DNAAF2: variants seen among roughly 807,000 people sequenced by gnomAD.
DNAAF2 encodes the protein protein kintoun.
A neutral mutation model predicts 48.8 loss-of-function variants in DNAAF2; 58 were observed. The ratio of observed to expected loss-of-function variants is 1.19; its 90% CI spans 0.96 to 1.48. DNAAF2 has a LOEUF of 1.48. Ranked by LOEUF, DNAAF2 falls within the 40% of genes most tolerant of loss-of-function variation. The probability of loss-of-function intolerance (pLI) is 0.00; values close to 1 mark genes in which losing one functional copy is unlikely to be tolerated. For synonymous variants in DNAAF2, 567 were observed against 481.2 expected (o/e 1.18, Z -2.33); for missense variants, 1,241 against 1,116.1 (o/e 1.11, Z -1.59).
intron 2 of DNAAF2, among the ~76,000 whole-genome samples, chr14:49,626,449 A>T (rs1265541024): frequency 6.6e-6 from 1 of 152,176 alleles, no homozygotes; most frequent in Non-Finnish European, 1.5e-5. Context: ...AGATAGTGCC[A>T]CTGTACTCCA....
Position 49,625,459 on chromosome 14 carries a change from T to C in DNAAF2, c.*83A>G. ...TAATTTTATACTTTAATACCTTTAGTTTTAAGACAACAGTTAACAGAATCA... is the reference window on the plus strand; with the variant it reads ...TAATTTTATACTTTAATACCTTTAGCTTTAAGACAACAGTTAACAGAATCA... On this transcript the variant is annotated 3_prime_UTR_variant, in exon 3 of 3. Transcript: ENST00000298292. 1.8e-6 allele frequency: 2 copies of C among 1,089,634 alleles called. No individual in the cohort carries two copies. Among genetic ancestry groups the C allele is most frequent in the Non-Finnish European group, 2.4e-6 (2 of 830,240 alleles). 67.5% of individuals were successfully genotyped at this position (1,089,634 alleles called of 1,614,324 possible). A position where few individuals can be genotyped will look rare whatever the true frequency, so the allele number is the denominator to read the frequency against.
chr14:49,633,879 G>A lies in DNAAF2; in HGVS notation c.1271C>T (p.Pro424Leu), dbSNP rs1196789800. The change falls in exon 1 of 3, where the codon CCG becomes CTG. Residue 424 changes from proline (P) to leucine (L), a missense_variant. Pro to Leu is a moderately conservative substitution (Grantham distance 98). Coordinates refer to ENST00000298292, the MANE Select transcript of DNAAF2 (RefSeq NM_018139.3). ...GACACGCTCCTCTCCAGCTGCGGCC[G>A]GCGGAGGCGCCACCTCCGGGTCGCC... is the stretch of plus-strand genomic sequence containing the variant. Reference protein sequence around the residue: ...TLGDPEVAPPPAAAGEERVPK... With the variant: ...TLGDPEVAPPLAAAGEERVPK... The A allele has an allele frequency of 5.9e-6, 9 of 1,536,986 alleles. No homozygotes were observed. Among genetic ancestry groups the A allele is most frequent in the African/African-American group, 1.4e-5 (1 of 73,062 alleles).
chr14:49,628,613 C>T (rs1051076045), intron 1 of DNAAF2, among the ~76,000 whole-genome samples: 2 of 152,064 alleles, frequency 1.3e-5, no homozygotes, highest in African/African-American at 4.8e-5. Flanking sequence ...TGCCACCATG[C>T]CGGACTAATT....
chr14:49,628,124 T>C lies in DNAAF2; in HGVS notation c.1895A>G (p.Asn632Ser), dbSNP rs1437599085. ...GCTCAGGACCTCTTCAAGAAACTCA[T>C]TAACATTTTCTTCATTGACAAATAA... Reference protein sequence around the residue: ...ERLFVNEENVNEFLEEVLSSP... With the variant: ...ERLFVNEENVSEFLEEVLSSP... The change falls in exon 2 of 3, where the codon AAT (asparagine) becomes AGT (serine). Residue 632 changes from asparagine to serine, a missense_variant. Asn to Ser is a conservative substitution (Grantham distance 46). Transcript: ENST00000298292. 2 of 1,591,968 alleles carry C rather than the reference T, an allele frequency of 1.3e-6. No individual in the cohort carries two copies. The highest frequency in any genetic ancestry group is 1.7e-6 in the Non-Finnish European group (2 of 1,167,656).
intron 1 of DNAAF2, among the ~76,000 whole-genome samples, chr14:49,632,909 TAA>T (rs1340524947): frequency 2.0e-5 from 2 of 98,316 alleles, no homozygotes; most frequent in African/African-American, 4.0e-5. Context: ...CTTCAAATTT[TAA>T]GTTGTTTTTT....
Position 49,633,869 on chromosome 14 carries a change from A to T in DNAAF2, c.1281T>A (p.Ala427=), listed in dbSNP as rs1316850100. The T allele has an allele frequency of 6.5e-7, 1 of 1,542,030 alleles. No homozygotes were observed. Among genetic ancestry groups the T allele is most frequent in the South Asian group, 1.2e-5 (1 of 84,768 alleles). Residue 427 remains alanine, a synonymous_variant, in exon 1 of 3, where the codon GCT becomes GCA. Transcript: ENST00000298292. ...DPEVAPPPAA[A]GEERVPKPGE... is the part of the protein sequence containing the mutation. Reference sequence around the variant, plus strand: ...CCGGCTTGGGGACACGCTCCTCTCCAGCTGCGGCCGGCGGAGGCGCCACCT... The same window carrying T: ...CCGGCTTGGGGACACGCTCCTCTCCTGCTGCGGCCGGCGGAGGCGCCACCT...
At chr14:49,631,907 A>T (rs1883174860) in intron 1 of DNAAF2, among the ~76,000 whole-genome samples, 1 of 152,236 alleles carries the variant, frequency 6.6e-6, no homozygotes, top group South Asian at 2.1e-4. Context: ...TAACACTGAG[A>T]GCCTGGTCCA....
chr14:49,634,720 C>A lies in DNAAF2; in HGVS notation c.430G>T (p.Val144Leu). ...GCAAGCGCGTCTGGATGGAAGACCA[C>A]GTCGTAGACCATGTAGCGGCTGCTG... Reference protein sequence around the residue: ...RSSSRYMVYDVVFHPDALALA... With the variant: ...RSSSRYMVYDLVFHPDALALA... The change falls in exon 1 of 3, where the codon GTG becomes TTG. Residue 144 changes from valine (V) to leucine (L), a missense_variant. Val to Leu is a conservative substitution (Grantham distance 32). Coordinates refer to ENST00000298292, the MANE Select transcript of DNAAF2 (RefSeq NM_018139.3). 6.2e-7 allele frequency: 1 copy of A among 1,605,844 alleles called. No homozygotes were observed.
intron 1 of DNAAF2, among the ~76,000 whole-genome samples, chr14:49,630,843 C>T (rs1230063777): frequency 4.6e-5 from 7 of 151,952 alleles, no homozygotes; most frequent in Admixed American, 1.3e-4. Context: ...CTCCACCTCC[C>T]GGGTTCAAGC....
chr14:49,625,752 AT>A lies in DNAAF2; in HGVS notation c.2303del (p.Asp768ValfsTer3). 6.2e-7 allele frequency: 1 copy of A among 1,612,378 alleles called. No homozygotes were observed. The highest frequency in any genetic ancestry group is 8.5e-7 in the Non-Finnish European group (1 of 1,179,440). On this transcript the variant is annotated frameshift_variant, in exon 3 of 3. Coordinates refer to ENST00000298292, the MANE Select transcript of DNAAF2 (RefSeq NM_018139.3). LOFTEE classifies it high-confidence loss of function. ...CAGTTATTACTGACTCGTTTAAGTT[AT>A]CTTTTTCCTCATTTGAACAAGTAGC... Reference protein sequence around the residue: ...KSATCSNEEKDNLNESVITEE... With the variant: ...KSATCSNEEKXNLNESVITEE...
intron 2 of DNAAF2, 129 bp from the exon 3 acceptor site, chr14:49,626,177 C>T (rs777366416): frequency 5.6e-6 from 4 of 709,230 alleles, no homozygotes; most frequent in Non-Finnish European, 8.0e-6. Context: ...GGTATACATC[C>T]AGGCTTTCCT....
rs748691768 is a variant in DNAAF2, at chr14:49,634,669, G to T, written c.481C>A (p.Arg161Ser). ...AGGGCCGTGGCGTCCAGCATCTGGC[G>T]GAAGCCCTCGTGCCGCCGGGCCAGC... ...LALARRHEGF[R>S]QMLDATALEA... Residue 161 changes from arginine to serine, a missense_variant, in exon 1 of 3, where the codon CGC (arginine) becomes AGC (serine). Coordinates refer to ENST00000298292, the MANE Select transcript of DNAAF2 (RefSeq NM_018139.3). 1.2e-6 allele frequency: 2 copies of T among 1,606,380 alleles called. No homozygotes were observed. The highest frequency in any genetic ancestry group is 2.7e-5 in the African/African-American group (2 of 74,904).
In DNAAF2 at chr14:49,634,423, C is replaced by A. The variant is rs727504815; in HGVS notation, c.727G>T (p.Glu243Ter). ...GTGGGGGCGGGCTGCAAGGCCGCTTCCGGAGGGGAGGGCGCCCGGGGCCCG... is the reference window on the plus strand; with the variant it reads ...GTGGGGGCGGGCTGCAAGGCCGCTTACGGAGGGGAGGGCGCCCGGGGCCCG... ...APGPRAPSPP[E>*]AALQPAPTEP... Residue 243 changes from glutamate (E) to a stop codon, truncating the protein, a stop_gained, in exon 1 of 3, where the codon GAA becomes TAA. Coordinates refer to ENST00000298292, the MANE Select transcript of DNAAF2 (RefSeq NM_018139.3). LOFTEE classifies it high-confidence loss of function. 2 of 1,568,886 alleles carry A rather than the reference C, an allele frequency of 1.3e-6. No individual in the cohort carries two copies. Among genetic ancestry groups the A allele is most frequent in the Non-Finnish European group, 1.7e-6 (2 of 1,158,994 alleles).
Position 49,633,598 on chromosome 14 carries a change from C to CGGGA in DNAAF2, c.1551_1552insTCCC (p.Gly518SerfsTer12). 6.2e-7 allele frequency: 1 copy of CGGGA among 1,613,876 alleles called. No individual in the cohort carries two copies. The highest frequency in any genetic ancestry group is 8.5e-7 in the Non-Finnish European group (1 of 1,179,888). The stretch of plus-strand genomic sequence containing the variant: ...AGTAACGGAGGACACAAAGGCTCCC[C>CGGGA]GCTCTTGGTCCCGGGACCACCCATG... On this transcript the variant is annotated frameshift_variant, in exon 1 of 3. Coordinates refer to ENST00000298292, the MANE Select transcript of DNAAF2 (RefSeq NM_018139.3). LOFTEE classifies it high-confidence loss of function.
rs1230852048 is a variant in DNAAF2, at chr14:49,633,719, C to T, written c.1431G>A (p.Trp477Ter). ...CACTCTCTCTTCCCGCAGAAGAACC[C>T]CACGCCAGGCTCCGGGAGGACAAAC... The part of the protein sequence containing the change: ...SPCLSSRSLA[W>*]GSSAGRESAR... Residue 477 changes from tryptophan to a stop codon, truncating the protein, a stop_gained, in exon 1 of 3, where the codon TGG (tryptophan) becomes TGA (stop). Transcript: ENST00000298292. LOFTEE classifies it high-confidence loss of function. 1.3e-6 allele frequency: 2 copies of T among 1,597,560 alleles called. No individual in the cohort carries two copies. Among genetic ancestry groups the T allele is most frequent in the Admixed American group, 3.4e-5 (2 of 58,746 alleles).
chr14:49,633,242 G>A, intron 1 of DNAAF2, 45 bp downstream of exon 1: 1 of 1,597,254 alleles, frequency 6.3e-7, no homozygotes, highest in South Asian at 1.1e-5. Flanking sequence ...TTTTTAAAGT[G>A]AGATGGGATA....
intron 2 of DNAAF2, among the ~76,000 whole-genome samples, chr14:49,626,759 G>A (rs986366401): frequency 1.9e-4 from 27 of 142,622 alleles, no homozygotes; most frequent in African/African-American, 7.1e-4. Context: ...AAAGTGCTGG[G>A]ATTACAGGTA....
chr14:49,630,736 T>G (rs1247961901), intron 1 of DNAAF2, among the ~76,000 whole-genome samples: 1 of 56,862 alleles, frequency 1.8e-5, no homozygotes, highest in Non-Finnish European at 5.1e-5. Flanking sequence ...ACACACAAAC[T>G]CTCTACACAC....
chr14:49,629,799 C>G (rs965120991), intron 1 of DNAAF2: 1 of 152,328 alleles, frequency 6.6e-6, no homozygotes, highest in African/African-American at 2.4e-5. Flanking sequence ...AGCCACTGCA[C>G]CCAGCCAAGT....
Sources: allele counts gnomAD v4.1 joint callset (sites outside exome capture counted in the v4.1 genomes callset), GRCh38; gene constraint gnomAD v4.1.1; transcripts MANE v1.5; gene names NCBI Gene and HGNC (gene_info 2026-07-23, HGNC 2026-07-21).